The following NAALADL2 variants were observed in gnomAD, a reference collection of about 807,000 sequenced individuals.
The protein encoded by NAALADL2 is N-acetylated alpha-linked acidic dipeptidase like 2, also known as inactive N-acetylated-alpha-linked acidic dipeptidase-like protein 2.
NAALADL2 carries 76 observed loss-of-function variants against 87.2 expected under a neutral mutation model. That is an observed-to-expected ratio of 0.87 (90% CI 0.72 to 1.05). The LOEUF is 1.05. Among genes scored for constraint, NAALADL2 ranks in the 50% least tolerant of loss-of-function variants. The pLI is 0.00. For missense variants in NAALADL2, 1,089 were observed against 945.8 expected, an observed-to-expected ratio of 1.15 and a Z score of -1.99; for synonymous variants, 354 against 331.0, an observed-to-expected ratio of 1.07 and a Z score of -0.75.
chr3:174,752,126 C>T (rs540594827), intron 3 of NAALADL2, among the ~76,000 whole-genome samples: 39 of 151,928 alleles, frequency 2.6e-4, no homozygotes, highest in African/African-American at 9.4e-4. Context: ...TATAGGCGCC[C>T]GCCACCATGC....
chr3:175,320,290 T>C (rs1759679908), intron 4 of NAALADL2, among the ~76,000 whole-genome samples: 1 of 152,268 alleles, frequency 6.6e-6, no homozygotes, highest in Non-Finnish European at 1.5e-5. Flanking sequence ...TGTCAAGTTC[T>C]TCTGTTCCAT....
chr3:175,311,998 C>T (rs1758433146), intron 4 of NAALADL2, among the ~76,000 whole-genome samples: 1 of 152,034 alleles, frequency 6.6e-6, no homozygotes, highest in South Asian at 2.1e-4. Context: ...AGTCTGATTA[C>T]AGTGAATTTT....
chr3:174,941,354 C>T (rs1287114789), intron 1 of NAALADL2, among the ~76,000 whole-genome samples: 8 of 151,760 alleles, frequency 5.3e-5, no homozygotes, highest in African/African-American at 1.5e-4. Context: ...CACTATGGTC[C>T]GAGACTGTGT....
Position 175,129,761 on chromosome 3 carries a change from G to A in NAALADL2, c.545+32470G>A, listed in dbSNP as rs1458103172. On this transcript the variant is annotated intron_variant, in intron 2 of 13. Transcript: ENST00000454872. The stretch of plus-strand genomic sequence containing the variant: ...GTCGTTCCCATATCTTGGCTACTGT[G>A]AGTAATGCTGCACTGAATATGAAAG... Among the ~76,000 whole-genome samples, 4 of 152,122 alleles carry A rather than the reference G, an allele frequency of 2.6e-5. No homozygotes were observed. In the South Asian group the frequency reaches 8.3e-4, roughly 31 times the overall value.
intron 5 of NAALADL2, among the ~76,000 whole-genome samples, chr3:175,421,485 T>C (rs1715685740): frequency 6.6e-6 from 1 of 152,106 alleles, no homozygotes; most frequent in South Asian, 2.1e-4. Flanking sequence ...TACCTTCTTA[T>C]GCTTAGCTAT....
intron 10 of NAALADL2, among the ~76,000 whole-genome samples, chr3:175,586,701 A>G (rs1217285113): frequency 2.0e-5 from 3 of 152,128 alleles, no homozygotes; most frequent in Admixed American, 6.6e-5. Context: ...TTGTTGCTTT[A>G]TTTTTATTCA....
intron 12 of NAALADL2, among the ~76,000 whole-genome samples, chr3:175,742,947 T>C (rs939774003): frequency 6.6e-6 from 1 of 152,062 alleles, no homozygotes; most frequent in Non-Finnish European, 1.5e-5. Flanking sequence ...AGGGTATCTC[T>C]GGAATAAAAG....
intron 7 of NAALADL2, among the ~76,000 whole-genome samples, chr3:175,465,991 G>A (rs958172205): frequency 5.3e-5 from 8 of 152,144 alleles, no homozygotes; most frequent in African/African-American, 1.4e-4. Flanking sequence ...CAACTAAATG[G>A]AGATGTACTA....
At chr3:174,564,979 T>G (rs1714073743) in intron 2 of NAALADL2, among the ~76,000 whole-genome samples, 1 of 152,070 alleles carries the variant, frequency 6.6e-6, no homozygotes, top group South Asian at 2.1e-4. Context: ...TAGACTTTTT[T>G]GAGCAGTTAT....
chr3:175,061,237 T>C (rs373414036), intron 1 of NAALADL2, among the ~76,000 whole-genome samples: 17 of 152,238 alleles, frequency 1.1e-4, no homozygotes, highest in African/African-American at 3.9e-4. Flanking sequence ...CTAAATAAAT[T>C]GGAATTAGTT....
At chr3:175,516,156 G>C (rs1407907694) in intron 9 of NAALADL2, among the ~76,000 whole-genome samples, 1 of 152,182 alleles carries the variant, frequency 6.6e-6, no homozygotes, top group African/African-American at 2.4e-5. Context: ...GGTAATTGCT[G>C]AGGCCATTTG....
chr3:175,655,988 A>G lies in NAALADL2; in HGVS notation c.1896+28602A>G, dbSNP rs547142348. 4.7e-4 allele frequency among the ~76,000 whole-genome samples: 71 copies of G among 152,256 alleles called. 4 individuals are homozygous for G. The highest frequency in any genetic ancestry group is 1.5e-3 in the Admixed American group (23 of 15,288). On this transcript the variant is annotated intron_variant, in intron 11 of 13. Transcript: ENST00000454872. ...TAGAAATTGCCCATTTAACTCCTGAATTTTCCATATAAGGTGGCTGAGTTA... is the reference window on the plus strand; with the variant it reads ...TAGAAATTGCCCATTTAACTCCTGAGTTTTCCATATAAGGTGGCTGAGTTA...
chr3:174,699,797 T>C (rs1729378594), intron 2 of NAALADL2, among the ~76,000 whole-genome samples: 1 of 151,992 alleles, frequency 6.6e-6, no homozygotes, highest in South Asian at 2.1e-4. Context: ...ATGTGGTTAA[T>C]TTTAATCTGT....
intron 3 of NAALADL2, among the ~76,000 whole-genome samples, chr3:175,236,999 G>A (rs1231564472): frequency 6.6e-6 from 1 of 152,090 alleles, no homozygotes; most frequent in Admixed American, 6.6e-5. Context: ...AGTAATAAAT[G>A]TTTGGCTATG....
intron 2 of NAALADL2, among the ~76,000 whole-genome samples, chr3:175,200,577 C>G (rs562514510): frequency 6.6e-6 from 1 of 152,310 alleles, no homozygotes; most frequent in Non-Finnish European, 1.5e-5. Context: ...GTTACTAGAA[C>G]AACCATCCTC....
intron 3 of NAALADL2, among the ~76,000 whole-genome samples, chr3:174,811,842 G>T (rs1002767812): frequency 6.6e-6 from 1 of 152,216 alleles, no homozygotes; most frequent in Non-Finnish European, 1.5e-5. Context: ...GTGGAGCCTG[G>T]TGTGAGATTA....
intron 2 of NAALADL2, among the ~76,000 whole-genome samples, chr3:174,653,019 A>G (rs1159740464): frequency 6.6e-6 from 1 of 152,172 alleles, no homozygotes; most frequent in Admixed American, 6.5e-5. Context: ...GCCACACTAC[A>G]CACTAACTGT....
At chr3:174,672,574 A>G (rs2108805180) in intron 2 of NAALADL2, among the ~76,000 whole-genome samples, 2 of 152,198 alleles carry the variant, frequency 1.3e-5, no homozygotes, top group African/African-American at 4.8e-5. Flanking sequence ...GGGTGTGCGT[A>G]TTATATGTTA....
chr3:175,489,269 T>A (rs1582100978), intron 9 of NAALADL2, among the ~76,000 whole-genome samples: 1 of 152,306 alleles, frequency 6.6e-6, no homozygotes, highest in East Asian at 1.9e-4. Context: ...GGGTTATAGT[T>A]AGGGAAGCAT....
Sources: allele counts gnomAD v4.1 joint callset (sites outside exome capture counted in the v4.1 genomes callset), GRCh38; gene constraint gnomAD v4.1.1; transcripts MANE v1.5; gene names NCBI Gene and HGNC (gene_info 2026-07-23, HGNC 2026-07-21).